MICU1: variants seen among roughly 807,000 people sequenced by gnomAD.
The protein encoded by MICU1 is mitochondrial calcium uptake 1.
MICU1 carries 45 observed loss-of-function variants against 56.8 expected under a neutral mutation model. The ratio of observed to expected loss-of-function variants is 0.79; its 90% CI spans 0.62 to 1.02. The LOEUF is 1.02. Among genes scored for constraint, MICU1 ranks in the 50% least tolerant of loss-of-function variants. MICU1 has a pLI of 0.00. For synonymous variants in MICU1, 186 were observed against 195.1 expected (o/e 0.95, Z 0.39); for missense variants, 504 against 587.1 (o/e 0.86, Z 1.46).
chr10:72,383,942 G>A (rs558854151), intron 10 of MICU1, among the ~76,000 whole-genome samples: 1 of 150,844 alleles, frequency 6.6e-6, no homozygotes, highest in East Asian at 2.0e-4. Context: ...GACTACAGGT[G>A]TGGATTACCA....
chr10:72,534,349 C>T (rs1839570759), intron 4 of MICU1, among the ~76,000 whole-genome samples: 1 of 152,092 alleles, frequency 6.6e-6, no homozygotes, highest in South Asian at 2.1e-4. Context: ...TGACTATATT[C>T]GGTGGCATTG....
chr10:72,409,077 T>TC (rs141088044), intron 9 of MICU1, among the ~76,000 whole-genome samples: 9,830 of 151,990 alleles, frequency 0.065, 1,096 homozygotes, highest in African/African-American at 0.23. Flanking sequence ...TATTTGCCTT[T>TC]CCCCCGCTTC....
intron 11 of MICU1, among the ~76,000 whole-genome samples, chr10:72,371,055 C>T (rs933780389): frequency 1.3e-5 from 2 of 148,690 alleles, no homozygotes; most frequent in African/African-American, 5.1e-5. Flanking sequence ...TGTACTTTTC[C>T]ATATATTATA....
At chr10:72,369,235 A>G (rs1254413513) in intron 11 of MICU1, among the ~76,000 whole-genome samples, 1 of 151,488 alleles carries the variant, frequency 6.6e-6, no homozygotes, top group Non-Finnish European at 1.5e-5. Flanking sequence ...CCAGGAGCTC[A>G]AGGCTGCAGT....
Position 72,569,228 on chromosome 10 carries a change from TATATATATA to T in MICU1, c.-1-2443_-1-2435del, listed in dbSNP as rs1267621747. Among the ~76,000 whole-genome samples the T allele has an allele frequency of 8.2e-4, 48 of 58,584 alleles. 1 individual carries two copies. The highest frequency in any genetic ancestry group is 2.7e-3 in the African/African-American group (33 of 12,256). The allele number at this position is 58,584 out of a possible 152,430, so 38.4% of individuals were successfully genotyped here. On this transcript the variant is annotated intron_variant, in intron 1 of 11. Coordinates refer to ENST00000361114, the MANE Select transcript of MICU1 (RefSeq NM_001195518.2). Reference sequence around the variant, plus strand: ...ATGCATATATATATATATATATATATATATATATATTTTTTTTTTTTTTTGAGATGGCGT... The same window carrying T: ...ATGCATATATATATATATATATATATTTTTTTTTTTTTTTTGAGATGGCGT...
At chr10:72,602,889 C>T (rs538671068) in intron 1 of MICU1, among the ~76,000 whole-genome samples, 33 of 152,274 alleles carry the variant, frequency 2.2e-4, no homozygotes, top group African/African-American at 5.3e-4. Context: ...AGGCGGATCA[C>T]GAGGTCAGGA....
chr10:72,544,483 T>C (rs1839851282), intron 4 of MICU1, among the ~76,000 whole-genome samples: 1 of 152,114 alleles, frequency 6.6e-6, no homozygotes, highest in Non-Finnish European at 1.5e-5. Flanking sequence ...ATCAAGATAA[T>C]AAGGTCAGCC....
chr10:72,559,978 G>A (rs559061658), intron 3 of MICU1, among the ~76,000 whole-genome samples: 1 of 152,286 alleles, frequency 6.6e-6, no homozygotes, highest in South Asian at 2.1e-4. Context: ...GATCTGCGGT[G>A]GAACGGTTTC....
intron 1 of MICU1, among the ~76,000 whole-genome samples, chr10:72,583,376 G>A (rs1041312003): frequency 6.6e-5 from 10 of 151,632 alleles, no homozygotes; most frequent in Admixed American, 6.6e-4. Context: ...CGCCTCGCAG[G>A]TTCAAGCGAT....
intron 10 of MICU1, among the ~76,000 whole-genome samples, chr10:72,389,187 A>G (rs1862987937): frequency 6.6e-6 from 1 of 152,222 alleles, no homozygotes; most frequent in Admixed American, 6.5e-5. Flanking sequence ...TGTTCAGAAT[A>G]TAAGAGTTTG....
intron 3 of MICU1, among the ~76,000 whole-genome samples, chr10:72,553,777 CAGACTT>C (rs1011400744): frequency 6.6e-6 from 1 of 152,052 alleles, no homozygotes; most frequent in African/African-American, 2.4e-5. Flanking sequence ...AAGAAAGTAA[CAGACTT>C]AGTATACTCC....
chr10:72,624,722 T>C (rs1842187992), intron 1 of MICU1, among the ~76,000 whole-genome samples: 1 of 152,192 alleles, frequency 6.6e-6, no homozygotes, highest in Admixed American at 6.6e-5. Flanking sequence ...TCAGAAGATG[T>C]CAGAGACACT....
intron 1 of MICU1, among the ~76,000 whole-genome samples, chr10:72,607,014 T>C (rs1183509791): frequency 6.6e-6 from 1 of 152,068 alleles, no homozygotes; most frequent in Non-Finnish European, 1.5e-5. Flanking sequence ...AACTCTTACA[T>C]CTGGCTGTTT....
chr10:72,374,903 C>G (rs995794036), intron 11 of MICU1, among the ~76,000 whole-genome samples: 10 of 149,058 alleles, frequency 6.7e-5, no homozygotes, highest in African/African-American at 9.9e-5. Flanking sequence ...TGCTGCCTCC[C>G]GGGTTCAAGT....
intron 4 of MICU1, among the ~76,000 whole-genome samples, chr10:72,540,534 G>A (rs1839749483): frequency 6.6e-6 from 1 of 152,148 alleles, no homozygotes; most frequent in African/African-American, 2.4e-5. Flanking sequence ...TAATTAGCTT[G>A]GTGTGACGGT....
At chr10:72,555,218 A>C (rs551832029) in intron 3 of MICU1, among the ~76,000 whole-genome samples, 2 of 152,346 alleles carry the variant, frequency 1.3e-5, no homozygotes, top group Admixed American at 6.5e-5. Flanking sequence ...CCTAAGAAAG[A>C]GGGGCTATGA....
At chr10:72,425,820 C>T (rs1003621975) in intron 8 of MICU1, among the ~76,000 whole-genome samples, 5 of 152,054 alleles carry the variant, frequency 3.3e-5, no homozygotes. Flanking sequence ...AACTAATGTC[C>T]TATTTGTTCA....
At chr10:72,383,415 A>G (rs1452621992) in intron 10 of MICU1, among the ~76,000 whole-genome samples, 1 of 152,204 alleles carries the variant, frequency 6.6e-6, no homozygotes, top group Non-Finnish European at 1.5e-5. Context: ...GTAGATATAA[A>G]ATCAAATATG....
chr10:72,528,916 T>C (rs1290590685), intron 5 of MICU1, among the ~76,000 whole-genome samples: 1 of 152,194 alleles, frequency 6.6e-6, no homozygotes, highest in East Asian at 1.9e-4. Context: ...AATTTGTTAA[T>C]ATTTTCAAAA....
Sources: gnomAD v4.1 joint callset for allele counts (sites outside exome capture counted in the v4.1 genomes callset) on GRCh38, gnomAD v4.1.1 for gene constraint, MANE v1.5 for transcripts, NCBI Gene and HGNC (gene_info 2026-07-23, HGNC 2026-07-21) for gene names.